PRDM11: variants seen among roughly 807,000 people sequenced by gnomAD.
The protein encoded by PRDM11 is PR/SET domain 11.
PRDM11 carries 20 observed loss-of-function variants against 97.8 expected under a neutral mutation model. The ratio of observed to expected loss-of-function variants is 0.20; its 90% CI spans 0.14 to 0.30. The LOEUF (loss-of-function observed/expected upper bound fraction) is 0.30. Ranked by LOEUF, PRDM11 falls within the 10% of genes least tolerant of loss-of-function variation. The pLI is 1.00. For missense variants in PRDM11, 1,139 were observed against 1,555.2 expected, an observed-to-expected ratio of 0.73 and a Z score of 4.50; for synonymous variants, 599 against 637.7, an observed-to-expected ratio of 0.94 and a Z score of 0.91.
At chr11:45,108,858 A>G (rs1204967297) in intron 1 of PRDM11, among the ~76,000 whole-genome samples, 2 of 152,270 alleles carry the variant, frequency 1.3e-5, no homozygotes, top group African/African-American at 4.8e-5. Flanking sequence ...GCCTGCCTGA[A>G]GCAGCTGACA....
chr11:45,213,980 G>A, intron 5 of PRDM11: 1 of 338,348 alleles, frequency 3.0e-6, no homozygotes, highest in South Asian at 2.4e-5. Context: ...GGGTGAGGTG[G>A]GAGGCACCTA....
chr11:45,147,100 A>G (rs1851531741), intron 1 of PRDM11, among the ~76,000 whole-genome samples: 1 of 148,128 alleles, frequency 6.8e-6, no homozygotes, highest in African/African-American at 2.5e-5. Flanking sequence ...AACCCTCGGC[A>G]GGTAGCTGCC....
At chr11:45,186,707 G>A (rs1031866523) in intron 4 of PRDM11, among the ~76,000 whole-genome samples, 9 of 152,198 alleles carry the variant, frequency 5.9e-5, no homozygotes, top group Admixed American at 3.3e-4. Context: ...TGTTTTAAAA[G>A]TCTGGTTGCC....
intron 5 of PRDM11, among the ~76,000 whole-genome samples, chr11:45,216,366 G>A (rs891038749): frequency 7.2e-5 from 11 of 152,236 alleles, no homozygotes; most frequent in Middle Eastern, 3.4e-3. Context: ...GCCCCTCCTG[G>A]TAGCCTTCCA....
At chr11:45,098,554 G>A (rs879830852) in intron 1 of PRDM11, among the ~76,000 whole-genome samples, 1 of 152,150 alleles carries the variant, frequency 6.6e-6, no homozygotes, top group Admixed American at 6.5e-5. Context: ...ACTTGCCCAG[G>A]CTCGCACAGC....
Position 45,138,776 on chromosome 11 carries a change from AT to A in PRDM11, c.96+42885del, listed in dbSNP as rs746699362. Among the ~76,000 whole-genome samples the A allele has an allele frequency of 7.7e-3, 1,129 of 146,960 alleles. 10 individuals are homozygous for A. Among genetic ancestry groups the A allele is most frequent in the African/African-American group, 0.022 (843 of 37,686 alleles). On this transcript the variant is annotated intron_variant, in intron 1 of 6. Transcript: ENST00000530656. ...AAGAGCAATCAGAAGAAAATCTAAGATTTTTTTTTTACAATATACTGAAGAA... is the reference window on the plus strand; with the variant it reads ...AAGAGCAATCAGAAGAAAATCTAAGATTTTTTTTTACAATATACTGAAGAA...
At chr11:45,194,224 C>T (rs1853019353) in intron 4 of PRDM11, among the ~76,000 whole-genome samples, 1 of 152,104 alleles carries the variant, frequency 6.6e-6, no homozygotes, top group African/African-American at 2.4e-5. Context: ...CATGAGGATT[C>T]CCGCATATTG....
chr11:45,193,018 A>C (rs928069716), intron 4 of PRDM11, among the ~76,000 whole-genome samples: 2 of 152,188 alleles, frequency 1.3e-5, no homozygotes, highest in East Asian at 3.9e-4. Context: ...GTTCAGTGTG[A>C]TATCTTTACT....
intron 4 of PRDM11, among the ~76,000 whole-genome samples, chr11:45,195,398 C>T (rs1226331526): frequency 1.3e-5 from 2 of 152,064 alleles, no homozygotes; most frequent in Non-Finnish European, 2.9e-5. Flanking sequence ...CCCACCCATC[C>T]CTAGGCAACC....
rs1854420143 is a variant in PRDM11 at position 45,232,623 on chromosome 11, T to G, written c.*4464T>G. 1 of 152,088 alleles carries G rather than the reference T, an allele frequency of 6.6e-6. No homozygotes were observed. The highest frequency in any genetic ancestry group is 1.5e-5 in the Non-Finnish European group (1 of 68,070). 9.4% of individuals were successfully genotyped at this position (152,088 alleles called of 1,614,324 possible). ...GTGTGCCCATTCCAGACACCAGTCT[T>G]CTGGGGAGGTGGTGCCGTGTCATGG... On this transcript the variant is annotated 3_prime_UTR_variant, in exon 8 of 8. Coordinates refer to ENST00000683152, the MANE Select transcript of PRDM11 (RefSeq NM_001384648.1).
chr11:45,100,965 A>T (rs1251662240), intron 1 of PRDM11, among the ~76,000 whole-genome samples: 2 of 152,224 alleles, frequency 1.3e-5, no homozygotes, highest in Non-Finnish European at 2.9e-5. Context: ...GGGATATCTA[A>T]TCCAAATGCT....
At chr11:45,196,900 A>G (rs1358615293) in intron 4 of PRDM11, among the ~76,000 whole-genome samples, 5 of 152,218 alleles carry the variant, frequency 3.3e-5, no homozygotes, top group African/African-American at 1.2e-4. Flanking sequence ...TCGGAGCTCC[A>G]GTGGTTTTAT....
chr11:45,115,582 T>C (rs571287345), intron 1 of PRDM11, among the ~76,000 whole-genome samples: 3 of 152,126 alleles, frequency 2.0e-5, no homozygotes, highest in South Asian at 2.1e-4. Flanking sequence ...AATAGAAATA[T>C]ATAGTTAGGT....
chr11:45,224,654 G>T lies in PRDM11; in HGVS notation c.1180G>T (p.Ala394Ser), dbSNP rs1854220384. The T allele has an allele frequency of 6.2e-7, 1 of 1,614,064 alleles. No homozygotes were observed. The highest frequency in any genetic ancestry group is 1.7e-5 in the Admixed American group (1 of 59,998). ...TTCATCATTCAAGGCCGACAGTCCT[G>T]CCGAGGCCTCCCTTGCATCTGACCC... ...EPSSFKADSP[A>S]EASLASDPHE... Residue 394 changes from alanine (A) to serine (S), a missense_variant, in exon 7 of 8, where the codon GCC becomes TCC. By Grantham distance (99) the Ala-to-Ser change is moderately conservative. Transcript: ENST00000683152.
chr11:45,153,535 G>A (rs941112107), intron 1 of PRDM11, among the ~76,000 whole-genome samples: 13 of 152,224 alleles, frequency 8.5e-5, no homozygotes, highest in African/African-American at 3.1e-4. Context: ...CAGTGGACAT[G>A]GGGGAGGCAT....
At chr11:45,096,609 C>G (rs1851890080) in intron 1 of PRDM11, among the ~76,000 whole-genome samples, 1 of 152,130 alleles carries the variant, frequency 6.6e-6, no homozygotes, top group Admixed American at 6.5e-5. Context: ...TCAGATGTTC[C>G]TAAAGCCTCC....
At chr11:45,157,055 G>A (rs1452938661) in intron 1 of PRDM11, among the ~76,000 whole-genome samples, 1 of 152,174 alleles carries the variant, frequency 6.6e-6, no homozygotes, top group African/African-American at 2.4e-5. Flanking sequence ...TGGAGGCACG[G>A]GGGAGCTGTC....
chr11:45,194,886 C>T (rs1460812809), intron 4 of PRDM11, among the ~76,000 whole-genome samples: 1 of 152,130 alleles, frequency 6.6e-6, no homozygotes, highest in Non-Finnish European at 1.5e-5. Context: ...GCGTGAGCCA[C>T]CGCGCCCGGC....
At position 45,212,191 on chromosome 11, in the gene PRDM11, G is replaced by T. The variant is rs367833600; in HGVS notation, c.555-7379G>T. Among the ~76,000 whole-genome samples the T allele has an allele frequency of 2.6e-5, 4 of 152,328 alleles. No individual in the cohort carries two copies. The East Asian group carries it at 5.8e-4, about 22-fold the overall frequency. On this transcript the variant is annotated intron_variant, in intron 5 of 7. Coordinates refer to ENST00000683152, the MANE Select transcript of PRDM11 (RefSeq NM_001384648.1). ...GGAGCTGCTGGGTTGGCACGCAGCC[G>T]GTGGGCCACGGTCTCCAAGTCCCCT... is the stretch of plus-strand genomic sequence containing the variant.
Sources: allele counts gnomAD v4.1 joint callset (sites outside exome capture counted in the v4.1 genomes callset), GRCh38; gene constraint gnomAD v4.1.1; transcripts MANE v1.5; gene names NCBI Gene and HGNC (gene_info 2026-07-23, HGNC 2026-07-21).